The following FAAH2 variants were observed in gnomAD, a reference collection of about 807,000 sequenced individuals.
FAAH2 encodes the protein fatty acid amide hydrolase 2, also known as fatty-acid amide hydrolase 2.
A neutral mutation model predicts 36.9 loss-of-function variants in FAAH2; 60 were observed. The ratio of observed to expected loss-of-function variants is 1.63; its 90% CI spans 1.32 to 2.02. The LOEUF is 2.02. Among genes scored for constraint, FAAH2 ranks in the 30% most tolerant of loss-of-function variants. The probability of loss-of-function intolerance (pLI) is 0.00; values close to 1 mark genes in which losing one functional copy is unlikely to be tolerated. For missense variants in FAAH2, 689 were observed against 397.5 expected (o/e 1.73, Z -6.23); for synonymous variants, 214 against 143.8 (o/e 1.49, Z -3.49).
the FAAH2 span, among the ~76,000 whole-genome samples, chrX:57,164,071 T>G: frequency 8.9e-6 from 1 of 112,124 alleles, no homozygotes; most frequent in Non-Finnish European, 1.9e-5. Context: ...TAAGGCTAAA[T>G]AAGGCCAGAA....
intron 7 of FAAH2, among the ~76,000 whole-genome samples, chrX:57,395,729 A>G (rs542333754): frequency 1.7e-4 from 19 of 111,724 alleles, no homozygotes; most frequent in African/African-American, 5.8e-4. Flanking sequence ...ACATGGCTTG[A>G]TGTACTGTTT....
intron 10 of FAAH2, among the ~76,000 whole-genome samples, chrX:57,479,566 C>G (rs1176214967): frequency 9.0e-6 from 1 of 111,258 alleles, no homozygotes; most frequent in Non-Finnish European, 1.9e-5. Context: ...CTGTCTTGTG[C>G]CAGTTTTCAA....
the FAAH2 span, chrX:57,121,947 G>C: frequency 4.7e-5 from 5 of 105,908 alleles, no homozygotes; most frequent in Non-Finnish European, 9.6e-5. Flanking sequence ...ATTTGGAGTT[G>C]GAACAGAGAA....
At chrX:57,152,425 G>A in the FAAH2 span, among the ~76,000 whole-genome samples, 12 of 112,553 alleles carry the variant, frequency 1.1e-4, no homozygotes, top group African/African-American at 3.2e-4. Context: ...CACCCATTTC[G>A]AGCTTCCCAG....
chrX:57,463,248 G>A (rs2056992509), intron 10 of FAAH2, among the ~76,000 whole-genome samples: 1 of 111,243 alleles, frequency 9.0e-6, no homozygotes, highest in South Asian at 3.8e-4. Flanking sequence ...GTAATTTATA[G>A]ATTCAATTCT....
intron 10 of FAAH2, among the ~76,000 whole-genome samples, chrX:57,484,234 C>A (rs2057433384): frequency 9.0e-6 from 1 of 111,129 alleles, no homozygotes; most frequent in African/African-American, 3.3e-5. Flanking sequence ...TGAGCTAGAT[C>A]GTGGTGTTCC....
At chrX:57,152,918 C>G in the FAAH2 span, among the ~76,000 whole-genome samples, 1 of 110,390 alleles carries the variant, frequency 9.1e-6, no homozygotes, top group South Asian at 3.9e-4. Context: ...GCTCCCCCCC[C>G]GCTGACCTCT....
the FAAH2 span, among the ~76,000 whole-genome samples, chrX:57,204,116 A>G: frequency 1.8e-5 from 2 of 111,217 alleles, no homozygotes; most frequent in Non-Finnish European, 3.8e-5. Context: ...CAAATCCATA[A>G]TGATTCCATG....
chrX:57,194,504 C>A, the FAAH2 span, among the ~76,000 whole-genome samples: 3 of 110,265 alleles, frequency 2.7e-5, no homozygotes, highest in Non-Finnish European at 5.7e-5. Context: ...TTATTTATTT[C>A]TTCTCTAATG....
intron 10 of FAAH2, among the ~76,000 whole-genome samples, chrX:57,487,489 G>T (rs1046296339): frequency 9.0e-6 from 1 of 111,307 alleles, no homozygotes; most frequent in Non-Finnish European, 1.9e-5. Flanking sequence ...TTTCCCTAAA[G>T]AAAACATACT....
chrX:57,323,441 G>C (rs1404266461), intron 3 of FAAH2, among the ~76,000 whole-genome samples: 1 of 111,707 alleles, frequency 9.0e-6, no homozygotes, highest in East Asian at 2.8e-4. Flanking sequence ...CTAGTTTACA[G>C]TCCCACCAAC....
the FAAH2 span, among the ~76,000 whole-genome samples, chrX:57,179,238 C>T: frequency 8.1e-5 from 9 of 111,676 alleles, no homozygotes; most frequent in East Asian, 5.7e-4. Context: ...AACCAGCTAA[C>T]GTAATGATGA....
the FAAH2 span, among the ~76,000 whole-genome samples, chrX:57,208,763 G>T: frequency 4.5e-3 from 500 of 111,936 alleles, 3 homozygotes; most frequent in African/African-American, 0.016. Flanking sequence ...TTCCTTATGG[G>T]AAACAAAGGG....
chrX:57,359,313 T>A (rs2054233112), intron 5 of FAAH2, among the ~76,000 whole-genome samples: 1 of 111,488 alleles, frequency 9.0e-6, no homozygotes. Flanking sequence ...GCATCCCATA[T>A]GTTTAGGTAT....
the FAAH2 span, among the ~76,000 whole-genome samples, chrX:57,266,657 C>A: frequency 2.7e-5 from 3 of 112,665 alleles, no homozygotes; most frequent in Non-Finnish European, 1.9e-5. Flanking sequence ...GTTCCACATA[C>A]CCCACATTGC....
intron 7 of FAAH2, among the ~76,000 whole-genome samples, chrX:57,412,937 C>T (rs945623160): frequency 8.9e-6 from 1 of 112,399 alleles, no homozygotes; most frequent in Non-Finnish European, 1.9e-5. Context: ...GAGATGGTAT[C>T]TCATTGTGGT....
At chrX:57,411,881 C>G (rs1027262141) in intron 7 of FAAH2, among the ~76,000 whole-genome samples, 5 of 111,679 alleles carry the variant, frequency 4.5e-5, no homozygotes, top group Non-Finnish European at 7.5e-5. Flanking sequence ...ATCGAAAGCT[C>G]CCACAACATT....
intron 10 of FAAH2, among the ~76,000 whole-genome samples, chrX:57,470,562 C>A (rs1273722466): frequency 9.0e-6 from 1 of 111,031 alleles, no homozygotes; most frequent in Non-Finnish European, 1.9e-5. Flanking sequence ...ACATGAATCC[C>A]TGAATAGACC....
At chrX:57,195,754 G>T in the FAAH2 span, among the ~76,000 whole-genome samples, 1 of 112,155 alleles carries the variant, frequency 8.9e-6, no homozygotes, top group African/African-American at 3.2e-5. Flanking sequence ...TTTAAGTCCT[G>T]AATCCATGTT....
Sources: gnomAD v4.1 joint callset for allele counts (sites outside exome capture counted in the v4.1 genomes callset) on GRCh38, gnomAD v4.1.1 for gene constraint, MANE v1.5 for transcripts, NCBI Gene and HGNC (gene_info 2026-07-23, HGNC 2026-07-21) for gene names.